Variants in TBL1X observed in about 807,000 individuals in gnomAD.
TBL1X encodes the protein F-box-like/WD repeat-containing protein TBL1X.
TBL1X carries 10 observed loss-of-function variants against 50.7 expected under a neutral mutation model. The observed-to-expected ratio is 0.20, with a 90% CI of 0.12 to 0.33. TBL1X has a LOEUF of 0.33. TBL1X is among the 10% of genes least tolerant of loss of function. The pLI is 1.00. For missense variants in TBL1X, 340 were observed against 504.4 expected, an observed-to-expected ratio of 0.67 and a Z score of 3.12; for synonymous variants, 190 against 214.7, an observed-to-expected ratio of 0.88 and a Z score of 1.01.
chrX:9,565,667 A>G (rs2082347812), intron 2 of TBL1X, among the ~76,000 whole-genome samples: 1 of 110,087 alleles, frequency 9.1e-6, no homozygotes, highest in African/African-American at 3.3e-5. Flanking sequence ...TTTCTCTACC[A>G]AAAAATTTAA....
intron 1 of TBL1X, among the ~76,000 whole-genome samples, chrX:9,470,567 CTT>C (rs1261093466): frequency 8.9e-6 from 1 of 112,572 alleles, no homozygotes; most frequent in African/African-American, 3.2e-5. Flanking sequence ...TTTATTTCCT[CTT>C]TGTTCTATGC....
At chrX:9,608,349 G>A (rs1373734522) in intron 2 of TBL1X, among the ~76,000 whole-genome samples, 1 of 111,962 alleles carries the variant, frequency 8.9e-6, no homozygotes, top group Non-Finnish European at 1.9e-5. Context: ...CCACTCGGGT[G>A]GAGGAGGGGT....
chrX:9,565,141 G>A (rs185185951), intron 2 of TBL1X, among the ~76,000 whole-genome samples: 44 of 107,639 alleles, frequency 4.1e-4, no homozygotes, highest in African/African-American at 1.4e-3. Flanking sequence ...GCGTGGTGTT[G>A]GGCACCTGTA....
At chrX:9,639,458 A>G (rs1415263125) in intron 2 of TBL1X, among the ~76,000 whole-genome samples, 1 of 112,038 alleles carries the variant, frequency 8.9e-6, no homozygotes, top group African/African-American at 3.2e-5. Flanking sequence ...ATCATTCACA[A>G]CCAAAGAAAT....
intron 2 of TBL1X, among the ~76,000 whole-genome samples, chrX:9,508,445 T>C (rs971339645): frequency 8.9e-6 from 1 of 112,198 alleles, no homozygotes; most frequent in Admixed American, 9.4e-5. Flanking sequence ...CAATAGTTGC[T>C]GGCAAGGCTG....
chrX:9,509,268 G>A (rs1219792681), intron 2 of TBL1X, among the ~76,000 whole-genome samples: 3 of 100,789 alleles, frequency 3.0e-5, no homozygotes, highest in Non-Finnish European at 6.0e-5. Context: ...GCGGGCACCT[G>A]TAGTCCCAGC....
intron 2 of TBL1X, among the ~76,000 whole-genome samples, chrX:9,550,647 T>G (rs1438579691): frequency 8.9e-6 from 1 of 111,901 alleles, no homozygotes; most frequent in African/African-American, 3.3e-5. Flanking sequence ...AAATGTGGGG[T>G]ACCCTTTATT....
chrX:9,586,182 C>T (rs1265237501), intron 2 of TBL1X, among the ~76,000 whole-genome samples: 2 of 112,248 alleles, frequency 1.8e-5, no homozygotes, highest in African/African-American at 6.5e-5. Flanking sequence ...CAAAGAGACA[C>T]TTACACACTC....
At position 9,716,401 on chromosome X, in the gene TBL1X, C is replaced by T. The variant is rs948001714; in HGVS notation, c.*155C>T. On this transcript the variant is annotated 3_prime_UTR_variant, in exon 18 of 18. Transcript: ENST00000645353. ...CTGGCCGCAGGAGTCTATATGTTTT[C>T]GTAATCTTCATCAAGAAGTTTTTAA... 3.6e-5 allele frequency: 19 copies of T among 526,297 alleles called. No individual in the cohort carries two copies. The highest frequency in any genetic ancestry group is 4.8e-5 in the African/African-American group (2 of 41,885). The allele number at this position is 526,297 out of a possible 1,213,427, so 43.4% of individuals were successfully genotyped here.
At chrX:9,667,786 T>C (rs1435500405) in intron 5 of TBL1X, among the ~76,000 whole-genome samples, 3 of 112,173 alleles carry the variant, frequency 2.7e-5, no homozygotes, top group Non-Finnish European at 5.6e-5. Context: ...CTGAGGCTCC[T>C]ATCAAAGTAA....
rs191596602 is a variant in TBL1X, at chrX:9,693,093, C to T, written c.892-56C>T. ...CTCGGAGAGGCTCTCCGAGCTGCTTCGGTGCTGCCGCTCCTAAGTTGTTTT... is the reference window on the plus strand; with the variant it reads ...CTCGGAGAGGCTCTCCGAGCTGCTTTGGTGCTGCCGCTCCTAAGTTGTTTT... On this transcript the variant is annotated intron_variant, in intron 9 of 17. Coordinates refer to ENST00000645353, the MANE Select transcript of TBL1X (RefSeq NM_005647.4). 6,966 of 1,178,645 alleles carry T rather than the reference C, an allele frequency of 5.9e-3. 17 individuals carry two copies. The highest frequency in any genetic ancestry group is 0.019 in the Middle Eastern group (79 of 4,250).
At chrX:9,591,036 A>G (rs2082497502) in intron 2 of TBL1X, among the ~76,000 whole-genome samples, 1 of 110,276 alleles carries the variant, frequency 9.1e-6, no homozygotes, top group Non-Finnish European at 1.9e-5. Context: ...GTAATCTACC[A>G]GGGACGACCC....
chrX:9,628,962 C>T (rs1250934801), intron 2 of TBL1X, among the ~76,000 whole-genome samples: 1 of 112,646 alleles, frequency 8.9e-6, no homozygotes, highest in East Asian at 2.8e-4. Context: ...TGAAAGCATC[C>T]AGGGACCAAA....
chrX:9,538,899 CCT>C (rs1310777011), intron 2 of TBL1X, among the ~76,000 whole-genome samples: 1 of 112,740 alleles, frequency 8.9e-6, no homozygotes, highest in African/African-American at 3.2e-5. Flanking sequence ...TGGGGCCCCT[CCT>C]CTCAGCACAA....
At chrX:9,541,030 A>C (rs1353687227) in intron 2 of TBL1X, among the ~76,000 whole-genome samples, 10 of 112,069 alleles carry the variant, frequency 8.9e-5, no homozygotes, top group Non-Finnish European at 1.7e-4. Context: ...GTAAGCAAAG[A>C]GATTTCACTC....
chrX:9,652,171 A>G (rs766495055), intron 3 of TBL1X, among the ~76,000 whole-genome samples: 4 of 112,142 alleles, frequency 3.6e-5, no homozygotes, highest in Non-Finnish European at 7.5e-5. Context: ...GCTGCCTGCC[A>G]TTGCCTGGAC....
At chrX:9,481,084 G>A (rs1474060032) in intron 1 of TBL1X, among the ~76,000 whole-genome samples, 1 of 111,385 alleles carries the variant, frequency 9.0e-6, no homozygotes, top group African/African-American at 3.3e-5. Flanking sequence ...ATCCACAATT[G>A]TTTTACTTTG....
intron 2 of TBL1X, among the ~76,000 whole-genome samples, chrX:9,575,058 T>C (rs1005024857): frequency 1.8e-5 from 2 of 111,351 alleles, no homozygotes; most frequent in African/African-American, 6.5e-5. Flanking sequence ...TTGAATTGAC[T>C]CCCAGTTCTG....
chrX:9,579,955 C>G (rs1025920741), intron 2 of TBL1X, among the ~76,000 whole-genome samples: 2 of 111,435 alleles, frequency 1.8e-5, no homozygotes, highest in Admixed American at 9.6e-5. Flanking sequence ...TCATGGGTAT[C>G]CCTAAACCAC....
Sources: gnomAD v4.1 joint callset for allele counts (sites outside exome capture counted in the v4.1 genomes callset) on GRCh38, gnomAD v4.1.1 for gene constraint, MANE v1.5 for transcripts, NCBI Gene and HGNC (gene_info 2026-07-23, HGNC 2026-07-21) for gene names.